The following DEPDC5 variants were observed in gnomAD, a reference collection of about 807,000 sequenced individuals.
DEPDC5 encodes DEP domain containing 5, GATOR1 subcomplex subunit.
Under a neutral mutation model 217.3 loss-of-function variants are expected in DEPDC5, and 73 were observed. That is an observed-to-expected ratio of 0.34 (90% CI 0.28 to 0.41). The LOEUF is 0.41. Ranked by LOEUF, DEPDC5 falls within the 10% of genes least tolerant of loss-of-function variation. The pLI is 1.00. For missense variants in DEPDC5, 1,675 were observed against 2,070.1 expected, an observed-to-expected ratio of 0.81 and a Z score of 3.70; for synonymous variants, 733 against 756.7, an observed-to-expected ratio of 0.97 and a Z score of 0.51.
chr22:31,805,014 C>G, intron 17 of DEPDC5, 99 bp downstream of exon 17: 1 of 1,181,238 alleles, frequency 8.5e-7, no homozygotes, highest in Non-Finnish European at 1.2e-6. Context: ...GGCACTAAAC[C>G]TTTTGTTAAG....
chr22:31,781,649 C>T (rs1205618600), intron 8 of DEPDC5, among the ~76,000 whole-genome samples: 3 of 151,860 alleles, frequency 2.0e-5, no homozygotes, highest in Non-Finnish European at 4.4e-5. Flanking sequence ...AGGCTGGTCT[C>T]GAACTCCTGA....
intron 33 of DEPDC5, among the ~76,000 whole-genome samples, chr22:31,862,281 G>A (rs550778320): frequency 6.6e-6 from 1 of 150,814 alleles, no homozygotes; most frequent in African/African-American, 2.4e-5. Flanking sequence ...AGATTTGGAC[G>A]AGGCCAGGCA....
intron 34 of DEPDC5, among the ~76,000 whole-genome samples, chr22:31,871,554 G>T (rs542658596): frequency 6.7e-4 from 102 of 152,286 alleles, no homozygotes; most frequent in Admixed American, 2.6e-3. Context: ...GAACTTCTCT[G>T]CTCCCTGCCT....
At chr22:31,856,201 A>G (rs1318776844) in intron 31 of DEPDC5, among the ~76,000 whole-genome samples, 2 of 134,096 alleles carry the variant, frequency 1.5e-5, no homozygotes, top group South Asian at 4.8e-4. Flanking sequence ...TTCATTGCCT[A>G]TGACACACAC....
intron 40 of DEPDC5, among the ~76,000 whole-genome samples, chr22:31,898,142 T>A (rs539658327): frequency 1.3e-5 from 2 of 152,114 alleles, no homozygotes; most frequent in African/African-American, 4.8e-5. Flanking sequence ...GCCTCTGGAA[T>A]GGTGCGTGTG....
chr22:31,803,884 T>C (rs1030035023), intron 15 of DEPDC5, among the ~76,000 whole-genome samples: 5 of 152,226 alleles, frequency 3.3e-5, no homozygotes, highest in African/African-American at 4.8e-5. Flanking sequence ...CATGGAAGTT[T>C]GGTTGTCTTT....
intron 38 of DEPDC5, chr22:31,890,915 C>T (rs536705168): frequency 3.7e-4 from 58 of 158,174 alleles, no homozygotes; most frequent in Middle Eastern, 3.2e-3. Context: ...TTATTAGAGA[C>T]GGGGTTTCTC....
chr22:31,887,515 T>G (rs967735650), intron 38 of DEPDC5, among the ~76,000 whole-genome samples: 1 of 151,932 alleles, frequency 6.6e-6, no homozygotes, highest in East Asian at 1.9e-4. Flanking sequence ...GGTAGTTTAT[T>G]AAACAAGTGT....
chr22:31,873,153 C>T (rs765618033), intron 34 of DEPDC5, 102 bp from the exon 35 acceptor site: 2 of 1,595,750 alleles, frequency 1.3e-6, no homozygotes, highest in Admixed American at 3.4e-5. Context: ...CAACATTGTC[C>T]TGGTTTCTGG....
At chr22:31,853,352 G>A (rs1465891754) in intron 31 of DEPDC5, 1 of 152,186 alleles carries the variant, frequency 6.6e-6, no homozygotes, top group Non-Finnish European at 1.5e-5. Flanking sequence ...GCAGGAGGCA[G>A]GACAAAGAGA....
chr22:31,807,955 T>A (rs2087752704), intron 18 of DEPDC5, among the ~76,000 whole-genome samples: 1 of 152,090 alleles, frequency 6.6e-6, no homozygotes, highest in Non-Finnish European at 1.5e-5. Context: ...AAATACTAAT[T>A]TGGAGCAATC....
At chr22:31,863,363 C>T (rs535573084) in intron 33 of DEPDC5, among the ~76,000 whole-genome samples, 6 of 152,004 alleles carry the variant, frequency 3.9e-5, no homozygotes, top group Admixed American at 1.3e-4. Flanking sequence ...GAAGGGGTTT[C>T]GCCATGTTGG....
At chr22:31,833,078 A>T (rs779437799) in intron 24 of DEPDC5, among the ~76,000 whole-genome samples, 27 of 152,184 alleles carry the variant, frequency 1.8e-4, no homozygotes, top group Non-Finnish European at 2.6e-4. Flanking sequence ...GTGTATTTAC[A>T]TAGAGATGGT....
chr22:31,804,442 A>G (rs542237803), intron 16 of DEPDC5, among the ~76,000 whole-genome samples: 3 of 152,218 alleles, frequency 2.0e-5, no homozygotes, highest in South Asian at 2.1e-4. Flanking sequence ...CTCTATCTCT[A>G]AAAAAATTAT....
At chr22:31,856,793 G>T (rs1325755210) in intron 31 of DEPDC5, among the ~76,000 whole-genome samples, 1 of 152,076 alleles carries the variant, frequency 6.6e-6, no homozygotes, top group Non-Finnish European at 1.5e-5. Context: ...TTGTTTGTTT[G>T]TTTGTTTGTT....
At chr22:31,783,186 G>A (rs1020066949) in intron 8 of DEPDC5, among the ~76,000 whole-genome samples, 3 of 152,200 alleles carry the variant, frequency 2.0e-5, no homozygotes, top group Non-Finnish European at 2.9e-5. Context: ...CAGGACATGG[G>A]TGTGGACAAA....
At chr22:31,830,449 G>C (rs895533210) in intron 24 of DEPDC5, among the ~76,000 whole-genome samples, 2 of 152,250 alleles carry the variant, frequency 1.3e-5, no homozygotes, top group African/African-American at 4.8e-5. Flanking sequence ...TATGCCAACA[G>C]CAAGTCTTTA....
chr22:31,899,279 G>T (rs1323818375), intron 40 of DEPDC5, among the ~76,000 whole-genome samples: 1 of 152,144 alleles, frequency 6.6e-6, no homozygotes, highest in Non-Finnish European at 1.5e-5. Context: ...TTCTCTTTTT[G>T]TTCTTGCCAT....
chr22:31,869,269 T>G (rs1253557311), intron 33 of DEPDC5, among the ~76,000 whole-genome samples: 2 of 150,706 alleles, frequency 1.3e-5, no homozygotes, highest in Non-Finnish European at 2.9e-5. Flanking sequence ...GCAGCACCAT[T>G]ACATGAGGCA....
Sources: allele counts gnomAD v4.1 joint callset (sites outside exome capture counted in the v4.1 genomes callset), GRCh38; gene constraint gnomAD v4.1.1; transcripts MANE v1.5; gene names NCBI Gene and HGNC (gene_info 2026-07-23, HGNC 2026-07-21).